Variants in CGGBP1 observed in about 807,000 individuals in gnomAD.
The protein encoded by CGGBP1 is CGG triplet repeat binding protein 1.
Under a neutral mutation model 11.4 loss-of-function variants are expected in CGGBP1, and 4 were observed. That is an observed-to-expected ratio of 0.35 (90% confidence interval 0.17 to 0.80). The LOEUF is 0.80. Ranked by LOEUF, CGGBP1 falls within the 30% of genes least tolerant of loss-of-function variation. CGGBP1 has a pLI of 0.52. For missense variants in CGGBP1, 135 were observed against 202.1 expected (o/e 0.67, Z 2.01); for synonymous variants, 76 against 74.1 (o/e 1.03, Z -0.13).
chr3:88,122,773 A>G (rs972038632), intron 2 of CGGBP1, among the ~76,000 whole-genome samples: 2 of 151,944 alleles, frequency 1.3e-5, no homozygotes, highest in African/African-American at 4.8e-5. Flanking sequence ...ACTTTGGGAA[A>G]CCGAGGTGGG....
chr3:88,118,471 G>A (rs1705552112), intron 2 of CGGBP1, among the ~76,000 whole-genome samples: 1 of 151,648 alleles, frequency 6.6e-6, no homozygotes, highest in Non-Finnish European at 1.5e-5. Context: ...CCTAAGAAAT[G>A]AGTGTATAGT....
intron 2 of CGGBP1, among the ~76,000 whole-genome samples, chr3:88,103,509 T>A (rs1315176249): frequency 6.6e-6 from 1 of 152,142 alleles, no homozygotes; most frequent in Non-Finnish European, 1.5e-5. Flanking sequence ...ATAACATGTC[T>A]ACTAGAATTT....
intron 2 of CGGBP1, among the ~76,000 whole-genome samples, chr3:88,116,877 T>C (rs1705441854): frequency 6.6e-6 from 1 of 152,182 alleles, no homozygotes; most frequent in African/African-American, 2.4e-5. Context: ...GACAGAGACT[T>C]ATTCACCTGC....
chr3:88,116,804 C>T (rs1304923130), intron 2 of CGGBP1, among the ~76,000 whole-genome samples: 1 of 152,054 alleles, frequency 6.6e-6, no homozygotes, highest in African/African-American at 2.4e-5. Context: ...CCATGATCTA[C>T]TAAATTAAAC....
intron 2 of CGGBP1, among the ~76,000 whole-genome samples, chr3:88,069,180 G>C (rs1707366747): frequency 6.6e-6 from 1 of 152,188 alleles, no homozygotes; most frequent in South Asian, 2.1e-4. Flanking sequence ...CCAGTACTTT[G>C]GGAGGCCGAG....
chr3:88,144,568 C>A (rs1707265897), intron 1 of CGGBP1: 1 of 152,256 alleles, frequency 6.6e-6, no homozygotes, highest in African/African-American at 2.4e-5. Flanking sequence ...AAAACTGAGC[C>A]ATTGAACTGC....
At chr3:88,144,851 A>G (rs1480511344) in intron 1 of CGGBP1, among the ~76,000 whole-genome samples, 1 of 152,056 alleles carries the variant, frequency 6.6e-6, no homozygotes, top group Non-Finnish European at 1.5e-5. Context: ...TTTACACAAA[A>G]TAGGCATTTT....
intron 2 of CGGBP1, among the ~76,000 whole-genome samples, chr3:88,125,748 C>T (rs4858999): frequency 0.71 from 107,526 of 152,100 alleles, 41,724 homozygotes; most frequent in South Asian, 0.91. Flanking sequence ...TGCCCTACCA[C>T]GCTCTCTTTT....
chr3:88,110,087 T>C (rs1704997357), intron 2 of CGGBP1, among the ~76,000 whole-genome samples: 2 of 152,132 alleles, frequency 1.3e-5, no homozygotes, highest in Admixed American at 6.6e-5. Flanking sequence ...TAATAAATAA[T>C]GGTTGTACTA....
Position 88,056,003 on chromosome 3 carries a change from T to C in CGGBP1, c.-23-4A>G. The C allele has an allele frequency of 6.4e-7, 1 of 1,564,430 alleles. No homozygotes were observed. Among genetic ancestry groups the C allele is most frequent in the Non-Finnish European group, 8.6e-7 (1 of 1,156,170 alleles). ...CTGACTCTAAATAAATATGGTTCTT[T>C]CAAGACAAAAGAAACAAAGATGAGT... On this transcript the variant is annotated splice_polypyrimidine_tract_variant and splice_region_variant and intron_variant, in intron 3 of 3. Coordinates refer to ENST00000482016, the MANE Select transcript of CGGBP1 (RefSeq NM_001008390.2).
intron 2 of CGGBP1, among the ~76,000 whole-genome samples, chr3:88,125,636 T>C (rs1372064848): frequency 6.6e-6 from 1 of 152,150 alleles, no homozygotes. Context: ...CTTCCAGCCT[T>C]CTACCACGAT....
chr3:88,091,063 A>G (rs1269354647), intron 2 of CGGBP1, among the ~76,000 whole-genome samples: 1 of 152,206 alleles, frequency 6.6e-6, no homozygotes, highest in Non-Finnish European at 1.5e-5. Context: ...GTACAGTAGC[A>G]TGCTATACAG....
chr3:88,146,640 A>C, intron 1 of CGGBP1, among the ~76,000 whole-genome samples: 1 of 152,062 alleles, frequency 6.6e-6, no homozygotes, highest in East Asian at 1.9e-4. Flanking sequence ...TGGCTCCCAT[A>C]CCCTGTCTTT....
Position 88,055,407 on chromosome 3 carries a change from C to T in CGGBP1, c.*66G>A. The T allele has an allele frequency of 7.4e-7, 1 of 1,347,324 alleles. No individual in the cohort carries two copies. Among genetic ancestry groups the T allele is most frequent in the Non-Finnish European group, 1.0e-6 (1 of 1,001,486 alleles). 83.5% of individuals were successfully genotyped at this position (1,347,324 alleles called of 1,614,324 possible). A position where few individuals can be genotyped will look rare whatever the true frequency, so the allele number is the denominator to read the frequency against. On this transcript the variant is annotated 3_prime_UTR_variant, in exon 4 of 4. Transcript: ENST00000482016. This position sits in a 1 kb window ranked among gnomAD's most constrained non-coding sequence, Gnocchi z 4.2. ...AAATGAAATAAATACAAAAATGAAC[C>T]ACACAATCAACACATAACTTTAATA...
At chr3:88,118,924 T>G (rs1438685267) in intron 2 of CGGBP1, among the ~76,000 whole-genome samples, 1 of 150,100 alleles carries the variant, frequency 6.7e-6, no homozygotes, top group African/African-American at 2.5e-5. Flanking sequence ...GGAACACTTT[T>G]ACACTGTTGG....
At position 88,116,588 on chromosome 3, in the gene CGGBP1, AT is replaced by A. The variant is rs1369541968; in HGVS notation, c.-229+24381del. 4.0e-5 allele frequency among the ~76,000 whole-genome samples: 6 copies of A among 151,070 alleles called. No homozygotes were observed. In the South Asian group the frequency reaches 1.0e-3, roughly 26 times the overall value. ...CACACACACACACACATGCACATAT[AT>A]TATATATATGTGTGTATATATGTTG... On this transcript the variant is annotated intron_variant, in intron 2 of 3. Coordinates refer to the CGGBP1 transcript ENST00000462901.
chr3:88,141,065 C>T (rs772489677), exon 2 of CGGBP1: 1 of 1,567,660 alleles, frequency 6.4e-7, no homozygotes, highest in Non-Finnish European at 8.6e-7. Context: ...CTTCTGTCTT[C>T]TTAGTAGAGG....
chr3:88,109,144 TGTGTG>T (rs1322798879), intron 2 of CGGBP1, among the ~76,000 whole-genome samples: 5 of 131,736 alleles, frequency 3.8e-5, no homozygotes, highest in African/African-American at 1.8e-4. Flanking sequence ...TGGGCACTAG[TGTGTG>T]TGTGTGTGTG....
In CGGBP1 at chr3:88,099,917, A is replaced by G. The variant is rs1182417742; in HGVS notation, c.-229+41053T>C. On this transcript the variant is annotated intron_variant, in intron 2 of 3. Transcript: ENST00000462901. ...ACCATTGAGGACATAGGCATGGGCA[A>G]GGACTTCATGACTAAAACACCAAAG... Among the ~76,000 whole-genome samples the G allele has an allele frequency of 2.6e-5, 4 of 152,252 alleles. No homozygotes were observed. In the East Asian group the frequency reaches 7.7e-4, roughly 29 times the overall value.
Sources: gnomAD v4.1 joint callset for allele counts (sites outside exome capture counted in the v4.1 genomes callset) on GRCh38, gnomAD v4.1.1 for gene constraint, Gnocchi (gnomAD v3.1) non-coding constraint, MANE v1.5 for transcripts, NCBI Gene and HGNC (gene_info 2026-07-23, HGNC 2026-07-21) for gene names.